ASIC2: variants seen among roughly 807,000 people sequenced by gnomAD.
The protein encoded by ASIC2 is acid sensing ion channel subunit 2, also known as acid-sensing ion channel 2.
Under a neutral mutation model 57.3 loss-of-function variants are expected in ASIC2, and 25 were observed. The ratio of observed to expected loss-of-function variants is 0.44; its 90% CI spans 0.32 to 0.61. The LOEUF (loss-of-function observed/expected upper bound fraction) is 0.61, where lower values mean the gene tolerates loss of function less well. Ranked by LOEUF, ASIC2 falls within the 20% of genes least tolerant of loss-of-function variation. The pLI is 0.06. For synonymous variants in ASIC2, 319 were observed against 307.5 expected (o/e 1.04, Z -0.39); for missense variants, 641 against 738.1 (o/e 0.87, Z 1.52).
chr17:33,792,066 C>T (rs1411628355), intron 1 of ASIC2: 1 of 152,144 alleles, frequency 6.6e-6, no homozygotes, highest in Non-Finnish European at 1.5e-5. Context: ...TGCTTGGCCT[C>T]CCAAAGTGCT....
At chr17:33,255,263 C>T (rs1240951230) in intron 1 of ASIC2, among the ~76,000 whole-genome samples, 2 of 151,902 alleles carry the variant, frequency 1.3e-5, no homozygotes, top group Admixed American at 1.3e-4. Context: ...TGGTCTCAAA[C>T]CCCTGACCTC....
intron 1 of ASIC2, among the ~76,000 whole-genome samples, chr17:33,643,094 T>A (rs545282344): frequency 6.6e-6 from 1 of 152,318 alleles, no homozygotes; most frequent in South Asian, 2.1e-4. Context: ...CATATTGCAG[T>A]GACCCAGCGC....
chr17:33,811,341 T>C (rs916757118), intron 1 of ASIC2, among the ~76,000 whole-genome samples: 1 of 152,178 alleles, frequency 6.6e-6, no homozygotes, highest in Non-Finnish European at 1.5e-5. Flanking sequence ...CAGACAAAAA[T>C]TCCCTTCTTG....
intron 1 of ASIC2, among the ~76,000 whole-genome samples, chr17:33,326,993 A>G (rs1907105079): frequency 6.6e-6 from 1 of 152,116 alleles, no homozygotes; most frequent in Non-Finnish European, 1.5e-5. Flanking sequence ...CTCATTTTCT[A>G]TATAAGAAAG....
intron 1 of ASIC2, among the ~76,000 whole-genome samples, chr17:34,129,044 T>C (rs1911876505): frequency 6.6e-6 from 1 of 151,994 alleles, no homozygotes. Context: ...TAAAGATCAG[T>C]GTGCAGAGTG....
At chr17:33,447,191 A>G (rs1489772177) in intron 1 of ASIC2, among the ~76,000 whole-genome samples, 7 of 152,264 alleles carry the variant, frequency 4.6e-5, no homozygotes, top group South Asian at 2.1e-4. Context: ...GATTACATGT[A>G]GTTGTCTGCA....
At chr17:34,084,747 A>T (rs1910034339) in intron 1 of ASIC2, among the ~76,000 whole-genome samples, 1 of 152,118 alleles carries the variant, frequency 6.6e-6, no homozygotes, top group Non-Finnish European at 1.5e-5. Flanking sequence ...CTCCTTGAAG[A>T]GGTCCTTTAC....
chr17:33,938,475 A>G (rs1465238563), intron 1 of ASIC2, among the ~76,000 whole-genome samples: 2 of 152,154 alleles, frequency 1.3e-5, no homozygotes. Flanking sequence ...TGTTCCCTAT[A>G]TTCCCAGTAA....
chr17:33,486,763 G>C (rs1913588217), intron 1 of ASIC2, among the ~76,000 whole-genome samples: 2 of 152,216 alleles, frequency 1.3e-5, no homozygotes, highest in Non-Finnish European at 2.9e-5. Flanking sequence ...AGTGACACAG[G>C]ATGGGGGAAT....
intron 1 of ASIC2, among the ~76,000 whole-genome samples, chr17:33,315,242 A>G (rs904589962): frequency 6.6e-6 from 1 of 152,248 alleles, no homozygotes; most frequent in African/African-American, 2.4e-5. Context: ...TAAAGCATGT[A>G]CCAAAAATGT....
chr17:33,703,612 C>T (rs1179388759), intron 1 of ASIC2, among the ~76,000 whole-genome samples: 3 of 152,118 alleles, frequency 2.0e-5, no homozygotes, highest in Non-Finnish European at 2.9e-5. Context: ...TTTGGCCTCC[C>T]AAAGTACTGG....
intron 1 of ASIC2, among the ~76,000 whole-genome samples, chr17:33,855,648 T>C (rs1046414534): frequency 3.9e-5 from 6 of 152,030 alleles, no homozygotes; most frequent in Non-Finnish European, 7.4e-5. Context: ...ATGGGGATGA[T>C]GATGGTGATG....
At chr17:33,963,878 A>AT (rs111629191) in intron 1 of ASIC2, among the ~76,000 whole-genome samples, 8,563 of 152,268 alleles carry the variant, frequency 0.056, 704 homozygotes, top group African/African-American at 0.18. Context: ...ACAGCTGACA[A>AT]CTTTCTTAAA....
chr17:33,147,331 C>T (rs1383488037), intron 1 of ASIC2, among the ~76,000 whole-genome samples: 2 of 152,128 alleles, frequency 1.3e-5, no homozygotes, highest in Admixed American at 6.5e-5. Flanking sequence ...GATTCAGATC[C>T]AAATATCCTG....
intron 1 of ASIC2, among the ~76,000 whole-genome samples, chr17:33,555,267 A>G (rs752107257): frequency 6.6e-6 from 1 of 152,120 alleles, no homozygotes; most frequent in African/African-American, 2.4e-5. Context: ...AAATGAATGG[A>G]TTTAGAAGGT....
At chr17:33,273,986 T>C (rs1385610364) in intron 1 of ASIC2, among the ~76,000 whole-genome samples, 1 of 152,216 alleles carries the variant, frequency 6.6e-6, no homozygotes, top group Non-Finnish European at 1.5e-5. Context: ...CAATGGGTGG[T>C]ACTTACGTCC....
chr17:34,050,407 G>T (rs7220101), intron 1 of ASIC2, among the ~76,000 whole-genome samples: 3,893 of 152,220 alleles, frequency 0.026, 170 homozygotes, highest in African/African-American at 0.088. Flanking sequence ...GGGGTGGGGA[G>T]GGGATGTGAA....
Position 33,555,699 on chromosome 17 carries a change from T to A in ASIC2, c.556-443632A>T, listed in dbSNP as rs190439620. ...GTTACCATGGAGTAGAAATTGGACC[T>A]CAGGTGTGAAGATCAGGAACCGAGA... is the stretch of plus-strand genomic sequence containing the variant. On this transcript the variant is annotated intron_variant, in intron 1 of 9. Coordinates refer to the ASIC2 transcript ENST00000359872. 3.4e-4 allele frequency among the ~76,000 whole-genome samples: 52 copies of A among 152,200 alleles called. 1 individual carries two copies. The highest frequency in any genetic ancestry group is 1.2e-3 in the African/African-American group (51 of 41,532).
intron 1 of ASIC2, among the ~76,000 whole-genome samples, chr17:33,388,789 T>G (rs533769523): frequency 6.6e-6 from 1 of 152,182 alleles, no homozygotes; most frequent in Non-Finnish European, 1.5e-5. Flanking sequence ...ATATAGCAAA[T>G]GTTCACTTCT....
Sources: gnomAD v4.1 joint callset for allele counts (sites outside exome capture counted in the v4.1 genomes callset) on GRCh38, gnomAD v4.1.1 for gene constraint, MANE v1.5 for transcripts, NCBI Gene and HGNC (gene_info 2026-07-23, HGNC 2026-07-21) for gene names.